The following LIPK variants were observed in gnomAD, a reference collection of about 807,000 sequenced individuals.
LIPK encodes lipase member K.
In LIPK, 32 loss-of-function variants were observed where a neutral mutation model predicts 48.6. The ratio of observed to expected loss-of-function variants is 0.66; its 90% CI spans 0.50 to 0.88. The LOEUF (loss-of-function observed/expected upper bound fraction) is 0.88, where lower values mean the gene tolerates loss of function less well. Ranked by LOEUF, LIPK falls within the 40% of genes least tolerant of loss-of-function variation. The pLI is 0.00. For missense variants in LIPK, 507 were observed against 478.5 expected (o/e 1.06, Z -0.56); for synonymous variants, 164 against 157.4 (o/e 1.04, Z -0.32).
Position 88,743,322 on chromosome 10 carries a change from G to A in LIPK, c.960+1G>A, listed in dbSNP as rs1441650437. On this transcript the variant is annotated splice_donor_variant, in intron 9 of 9. Transcript: ENST00000404190. LOFTEE classifies it high-confidence loss of function. ...TCAGAACATGATGCACTTCCATCAG[G>A]TACAAAAATAATCCTCATAATCAGT... 3.2e-6 allele frequency: 5 copies of A among 1,580,442 alleles called. No individual in the cohort carries two copies. The highest frequency in any genetic ancestry group is 1.2e-5 in the South Asian group (1 of 86,838).
intron 8 of LIPK, among the ~76,000 whole-genome samples, chr10:88,741,732 T>C (rs1314647006): frequency 6.6e-6 from 1 of 152,176 alleles, no homozygotes; most frequent in Non-Finnish European, 1.5e-5. Flanking sequence ...TTGGGTATTA[T>C]TAGGTGCTAC....
At position 88,731,526 on chromosome 10, in the gene LIPK, C is replaced by T. The variant is rs76722544; in HGVS notation, c.422+345C>T. 4.1e-3 allele frequency among the ~76,000 whole-genome samples: 623 copies of T among 152,318 alleles called. 17 individuals are homozygous for T. In the East Asian group the frequency reaches 0.064, roughly 16 times the overall value. On this transcript the variant is annotated intron_variant, in intron 4 of 9. Coordinates refer to ENST00000404190, the MANE Select transcript of LIPK (RefSeq NM_001080518.2). ...AGGGTGCTGTCTACTTCAGAAGCCA[C>T]GCCTACCCGGTCACAGGAGCAAACT...
intron 1 of LIPK, among the ~76,000 whole-genome samples, chr10:88,719,481 A>G (rs947588363): frequency 2.6e-5 from 4 of 152,226 alleles, no homozygotes; most frequent in African/African-American, 9.6e-5. Context: ...CATGGCTGCC[A>G]TATCTTCTGA....
In LIPK at chr10:88,723,064, G is replaced by T. The variant is rs1177776578; in HGVS notation, c.-11-1469G>T. On this transcript the variant is annotated intron_variant, in intron 1 of 9. Coordinates refer to ENST00000404190, the MANE Select transcript of LIPK (RefSeq NM_001080518.2). ...CATGGCTGGCTAATTTTTTGTATTT[G>T]TTTTAGAAACAGGGTTTTCCGTGTT... Among the ~76,000 whole-genome samples, 4 of 151,178 alleles carry T rather than the reference G, an allele frequency of 2.6e-5. No individual in the cohort carries two copies. The East Asian group carries it at 5.8e-4, about 22-fold the overall frequency.
intron 4 of LIPK, 101 bp from the exon 5 acceptor site, chr10:88,732,077 T>A (rs995966421): frequency 2.7e-6 from 2 of 741,476 alleles, no homozygotes; most frequent in African/African-American, 3.5e-5. Flanking sequence ...GTCTTATATT[T>A]AACAAAATCA....
chr10:88,742,878 T>C, intron 8 of LIPK, among the ~76,000 whole-genome samples: 1 of 152,144 alleles, frequency 6.6e-6, no homozygotes. Flanking sequence ...ATGTAAGAAA[T>C]GTATAGCTAA....
rs752208278 is a variant in LIPK at position 88,724,660 on chromosome 10, A to T, written c.105+12A>T. 16 of 1,413,014 alleles carry T rather than the reference A, an allele frequency of 1.1e-5. No individual in the cohort carries two copies. The East Asian group carries it at 4.0e-4, about 35-fold the overall frequency. 87.5% of individuals were successfully genotyped at this position (1,413,014 alleles called of 1,614,324 possible). ...CTAATATGAATATTGTAAGTCATTTATTCAGAAAAAAATGCTAAAATAAGG... is the reference window on the plus strand; with the variant it reads ...CTAATATGAATATTGTAAGTCATTTTTTCAGAAAAAAATGCTAAAATAAGG... On this transcript the variant is annotated intron_variant, in intron 2 of 9. Transcript: ENST00000404190.
chr10:88,716,073 G>T (rs1842111555), intron 1 of LIPK, among the ~76,000 whole-genome samples: 1 of 151,902 alleles, frequency 6.6e-6, no homozygotes, highest in Non-Finnish European at 1.5e-5. Context: ...AAATGATTTT[G>T]TAAAAATTAA....
chr10:88,722,628 C>T (rs990114831), intron 1 of LIPK, among the ~76,000 whole-genome samples: 12 of 152,024 alleles, frequency 7.9e-5, no homozygotes, highest in Admixed American at 6.6e-5. Flanking sequence ...GGTCTATGGG[C>T]CATACTTAGA....
chr10:88,708,852 G>C (rs930823707), intron 1 of LIPK, among the ~76,000 whole-genome samples: 6 of 151,326 alleles, frequency 4.0e-5, no homozygotes, highest in Non-Finnish European at 8.8e-5. Context: ...TTCTTTTATT[G>C]ATCAGTAGAT....
chr10:88,735,877 T>C (rs1842561623), intron 6 of LIPK, among the ~76,000 whole-genome samples: 1 of 152,234 alleles, frequency 6.6e-6, no homozygotes, highest in Non-Finnish European at 1.5e-5. Context: ...GGAGAAATTA[T>C]TCACCTTTGA....
intron 3 of LIPK, among the ~76,000 whole-genome samples, chr10:88,729,267 G>A (rs1306893513): frequency 8.0e-6 from 1 of 125,042 alleles, no homozygotes; most frequent in Non-Finnish European, 1.7e-5. Context: ...GGGGGGGGCG[G>A]GGGAAGAGCA....
At chr10:88,720,715 GCACA>G (rs3068334) in intron 1 of LIPK, among the ~76,000 whole-genome samples, 1 of 150,106 alleles carries the variant, frequency 6.7e-6, no homozygotes, top group Non-Finnish European at 1.5e-5. Flanking sequence ...CAAGTTTTAT[GCACA>G]CACACACACA....
At chr10:88,735,131 G>A (rs879807513) in intron 6 of LIPK, among the ~76,000 whole-genome samples, 3 of 152,126 alleles carry the variant, frequency 2.0e-5, no homozygotes, top group Non-Finnish European at 2.9e-5. Context: ...CCTGCCTCCT[G>A]CCTATTGTAA....
chr10:88,739,658 A>T (rs1484143287), intron 7 of LIPK, among the ~76,000 whole-genome samples: 1 of 152,104 alleles, frequency 6.6e-6, no homozygotes, highest in Admixed American at 6.5e-5. Context: ...GAGCGAGACC[A>T]TCCTGGCTGA....
chr10:88,720,623 A>C (rs1161983058), intron 1 of LIPK, among the ~76,000 whole-genome samples: 1 of 152,172 alleles, frequency 6.6e-6, no homozygotes, highest in Non-Finnish European at 1.5e-5. Flanking sequence ...AAGGCTCTCC[A>C]AATAAGTGAT....
intron 1 of LIPK, among the ~76,000 whole-genome samples, chr10:88,722,599 T>C (rs1364781714): frequency 6.6e-6 from 1 of 152,198 alleles, no homozygotes; most frequent in African/African-American, 2.4e-5. Context: ...GTGTTTTTCA[T>C]GGTGATTATG....
chr10:88,739,228 T>G (rs775325259), intron 7 of LIPK, among the ~76,000 whole-genome samples: 2 of 152,198 alleles, frequency 1.3e-5, no homozygotes, highest in Non-Finnish European at 2.9e-5. Context: ...TCATCACATT[T>G]TAAAATTCAG....
At chr10:88,739,962 A>T (rs753526287) in intron 7 of LIPK, 34 bp from the exon 8 acceptor site, 1 of 1,438,230 alleles carries the variant, frequency 7.0e-7, no homozygotes, top group Non-Finnish European at 9.7e-7. Context: ...TGATGATATG[A>T]TTAGCCTCTA....
Sources: gnomAD v4.1 joint callset for allele counts (sites outside exome capture counted in the v4.1 genomes callset) on GRCh38, gnomAD v4.1.1 for gene constraint, MANE v1.5 for transcripts, NCBI Gene and HGNC (gene_info 2026-07-23, HGNC 2026-07-21) for gene names.